EDNRA: variants seen among roughly 807,000 people sequenced by gnomAD.
EDNRA encodes endothelin receptor type A.
EDNRA carries 11 observed loss-of-function variants against 41.4 expected under a neutral mutation model. The observed-to-expected ratio is 0.27, with a 90% CI of 0.17 to 0.44. The LOEUF is 0.44. Ranked by LOEUF, EDNRA falls within the 20% of genes least tolerant of loss-of-function variation. The probability of loss-of-function intolerance (pLI) is 1.00; values close to 1 mark genes in which losing one functional copy is unlikely to be tolerated. For missense variants in EDNRA, 294 were observed against 531.0 expected, an observed-to-expected ratio of 0.55 and a Z score of 4.39; for synonymous variants, 172 against 183.0, an observed-to-expected ratio of 0.94 and a Z score of 0.49.
At chr4:147,536,068 G>T in intron 5 of EDNRA, 39 bp downstream of exon 5, 1 of 1,611,052 alleles carries the variant, frequency 6.2e-7, no homozygotes, top group South Asian at 1.1e-5. Flanking sequence ...GCCAGGACTG[G>T]TTAGTCCTTG....
intron 2 of EDNRA, among the ~76,000 whole-genome samples, chr4:147,505,315 G>A (rs1285181671): frequency 2.5e-5 from 3 of 118,732 alleles, no homozygotes; most frequent in East Asian, 4.8e-4. Context: ...GAGTTTGGCA[G>A]TTTCTTTTTT....
chr4:147,495,643 G>A (rs1053331493), intron 2 of EDNRA: 7 of 152,216 alleles, frequency 4.6e-5, no homozygotes, highest in African/African-American at 1.7e-4. Flanking sequence ...CGACACCTCT[G>A]CTCAGAGAAA....
At chr4:147,524,662 AG>A (rs33954106) in intron 3 of EDNRA, among the ~76,000 whole-genome samples, 52,601 of 152,066 alleles carry the variant, frequency 0.35, 10,894 homozygotes, top group African/African-American at 0.58. Flanking sequence ...TTAATCCAAA[AG>A]GTCTTTCCTT....
chr4:147,523,552 T>A (rs1196391683), intron 3 of EDNRA, among the ~76,000 whole-genome samples: 8 of 150,810 alleles, frequency 5.3e-5, no homozygotes, highest in Non-Finnish European at 8.9e-5. Context: ...GTGCAGTGGC[T>A]TGATCTCGGC....
At position 147,542,573 on chromosome 4, in the gene EDNRA, C is replaced by A. The variant is rs1731143396; in HGVS notation, c.1239C>A (p.Asn413Lys). The A allele has an allele frequency of 6.2e-7, 1 of 1,614,004 alleles. No individual in the cohort carries two copies. Among genetic ancestry groups the A allele is most frequent in the Non-Finnish European group, 8.5e-7 (1 of 1,180,024 alleles). ...TCCAGTGGAAGAACCACGATCAAAA[C>A]AACCACAACACAGACCGGAGCAGCC... ...TSIQWKNHDQ[N>K]NHNTDRSSHK... The change falls in exon 8 of 8, where the codon AAC (asparagine) becomes AAA (lysine). Residue 413 changes from asparagine to lysine, a missense_variant. Asn to Lys is a moderately conservative substitution (Grantham distance 94). Around this residue, in one of 3 missense-constraint regions of EDNRA, gnomAD observed 185 missense variants for 390.8 expected, o/e 0.47. Coordinates refer to ENST00000651419, the MANE Select transcript of EDNRA (RefSeq NM_001957.4).
rs1463864454 is a variant in EDNRA, at chr4:147,537,794, C to T, written c.900+1765C>T. On this transcript the variant is annotated intron_variant, in intron 5 of 7. Coordinates refer to ENST00000651419, the MANE Select transcript of EDNRA (RefSeq NM_001957.4). ...GCTCAACCAAATGGAGATTAGAACC[C>T]AAGATTTTGTCCTCATGCAGTTAAC... Among the ~76,000 whole-genome samples, 4 of 151,472 alleles carry T rather than the reference C, an allele frequency of 2.6e-5. No individual in the cohort carries two copies. In the East Asian group the frequency reaches 7.7e-4, roughly 29 times the overall value.
At chr4:147,540,824 T>C (rs1731073669) in intron 7 of EDNRA, among the ~76,000 whole-genome samples, 1 of 152,086 alleles carries the variant, frequency 6.6e-6, no homozygotes, top group Non-Finnish European at 1.5e-5. Flanking sequence ...GTCTTAGACT[T>C]GAACCAAAGT....
chr4:147,497,992 T>G (rs1427187390), intron 2 of EDNRA, among the ~76,000 whole-genome samples: 1 of 152,212 alleles, frequency 6.6e-6, no homozygotes, highest in Non-Finnish European at 1.5e-5. Flanking sequence ...AGGGTAGGGA[T>G]GGTTGTCATA....
At chr4:147,531,379 T>TTA (rs1256881945) in intron 3 of EDNRA, among the ~76,000 whole-genome samples, 26 of 152,250 alleles carry the variant, frequency 1.7e-4, no homozygotes, top group Non-Finnish European at 7.3e-5. Context: ...AACTGCCACC[T>TTA]GGTACAAGCC....
intron 5 of EDNRA, 33 bp downstream of exon 5, chr4:147,536,062 G>A: frequency 6.2e-7 from 1 of 1,612,646 alleles, no homozygotes; most frequent in Non-Finnish European, 8.5e-7. Context: ...AATCTGGCCA[G>A]GACTGGTTAG....
intron 3 of EDNRA, among the ~76,000 whole-genome samples, chr4:147,526,105 T>G (rs1260542883): frequency 6.6e-6 from 1 of 152,216 alleles, no homozygotes; most frequent in Admixed American, 6.5e-5. Context: ...CTGGACAAAG[T>G]CCAAGGCTGG....
At chr4:147,532,738 G>C in intron 4 of EDNRA, 34 bp downstream of exon 4, 1 of 1,603,630 alleles carries the variant, frequency 6.2e-7, no homozygotes, top group South Asian at 1.1e-5. Context: ...AACTGGGGAA[G>C]GGAGGAGGTC....
chr4:147,516,331 T>G (rs1368462112), intron 2 of EDNRA, among the ~76,000 whole-genome samples: 2 of 152,216 alleles, frequency 1.3e-5, no homozygotes. Flanking sequence ...TAGCACAGTA[T>G]TCTCCCACTT....
At chr4:147,483,695 A>G (rs1019725563) in intron 1 of EDNRA, among the ~76,000 whole-genome samples, 13 of 151,378 alleles carry the variant, frequency 8.6e-5, no homozygotes, top group Admixed American at 4.6e-4. Flanking sequence ...AAAAGGATTC[A>G]ATTTTATTTT....
At chr4:147,535,770 C>G (rs1014162914) in intron 4 of EDNRA, 107 bp from the exon 5 acceptor site, 1 of 1,365,296 alleles carries the variant, frequency 7.3e-7, no homozygotes, top group East Asian at 2.3e-5. Flanking sequence ...CATGATTTTA[C>G]AGATGTATCT....
intron 2 of EDNRA, chr4:147,506,259 A>G (rs1445811320): frequency 1.0e-5 from 5 of 493,202 alleles, no homozygotes; most frequent in East Asian, 5.5e-5. Context: ...CAGTGCTCAT[A>G]AAGAACATCC....
At chr4:147,523,423 A>C (rs1277026455) in intron 3 of EDNRA, among the ~76,000 whole-genome samples, 1 of 150,458 alleles carries the variant, frequency 6.6e-6, no homozygotes, top group African/African-American at 2.5e-5. Flanking sequence ...GGGATTTGGT[A>C]TGTCACTGCT....
At position 147,497,861 on chromosome 4, in the gene EDNRA, G is replaced by A. The variant is rs377676009; in HGVS notation, c.420+11760G>A. Among the ~76,000 whole-genome samples, 5 of 152,106 alleles carry A rather than the reference G, an allele frequency of 3.3e-5. No homozygotes were observed. In the South Asian group the frequency reaches 6.2e-4, roughly 19 times the overall value. On this transcript the variant is annotated intron_variant, in intron 2 of 7. Coordinates refer to ENST00000651419, the MANE Select transcript of EDNRA (RefSeq NM_001957.4). Reference sequence around the variant, plus strand: ...GCTGGGATTACAGGCCTGAGCCACCGCGCCCAGCCTCTCTCGGACTTTTTG... The same window carrying A: ...GCTGGGATTACAGGCCTGAGCCACCACGCCCAGCCTCTCTCGGACTTTTTG...
chr4:147,522,088 AT>A (rs1340442101), intron 3 of EDNRA, among the ~76,000 whole-genome samples: 1 of 152,222 alleles, frequency 6.6e-6, no homozygotes, highest in African/African-American at 2.4e-5. Flanking sequence ...TTTGAATATA[AT>A]CGGGGGAGGA....
Sources: allele counts gnomAD v4.1 joint callset (sites outside exome capture counted in the v4.1 genomes callset), GRCh38; gene constraint gnomAD v4.1.1; regional missense constraint gnomAD v4.1.1; transcripts MANE v1.5; gene names NCBI Gene and HGNC (gene_info 2026-07-23, HGNC 2026-07-21).